TECPR1: variants seen among roughly 807,000 people sequenced by gnomAD.
The protein encoded by TECPR1 is tectonin beta-propeller repeat containing 1, also known as tectonin beta-propeller repeat-containing protein 1.
TECPR1 carries 122 observed loss-of-function variants against 162.4 expected under a neutral mutation model. The ratio of observed to expected loss-of-function variants is 0.75; its 90% confidence interval spans 0.65 to 0.87. TECPR1 has a LOEUF of 0.87. Among genes scored for constraint, TECPR1 ranks in the 40% least tolerant of loss-of-function variants. The pLI is 0.00. For synonymous variants in TECPR1, 642 were observed against 670.6 expected (o/e 0.96, Z 0.66); for missense variants, 1,432 against 1,618.2 (o/e 0.88, Z 1.97).
At chr7:98,235,843 A>G (rs958230876) in intron 10 of TECPR1, among the ~76,000 whole-genome samples, 1 of 99,744 alleles carries the variant, frequency 1.0e-5, no homozygotes. Flanking sequence ...AAAAAAAAAA[A>G]AAAAAAAACA....
At position 98,217,372 on chromosome 7, in the gene TECPR1, T is replaced by C. The variant is rs765857590; in HGVS notation, c.*18A>G. 6.8e-7 allele frequency: 1 copy of C among 1,462,928 alleles called. No individual in the cohort carries two copies. The highest frequency in any genetic ancestry group is 1.8e-5 in the Admixed American group (1 of 55,282). The allele number at this position is 1,462,928 out of a possible 1,614,324, so 90.6% of individuals were successfully genotyped here. A position where few individuals can be genotyped will look rare whatever the true frequency, so the allele number is the denominator to read the frequency against. On this transcript the variant is annotated 3_prime_UTR_variant, in exon 26 of 26. Transcript: ENST00000447648. ...CCAAACTGGGCACCGTCCCTGCATGTAGGTGTGTGGGGGGGCCTCAGCAGC... is the reference window on the plus strand; with the variant it reads ...CCAAACTGGGCACCGTCCCTGCATGCAGGTGTGTGGGGGGGCCTCAGCAGC...
At chr7:98,231,602 G>T (rs1348363863) in intron 13 of TECPR1, 11 of 559,238 alleles carry the variant, frequency 2.0e-5, no homozygotes, top group South Asian at 1.8e-4. Context: ...CCCTCTCCTG[G>T]GGCACCCCCA....
At chr7:98,235,771 A>C (rs893792984) in intron 10 of TECPR1, among the ~76,000 whole-genome samples, 2 of 148,446 alleles carry the variant, frequency 1.3e-5, no homozygotes, top group African/African-American at 5.0e-5. Flanking sequence ...TTGAGGCTGC[A>C]GTGAGCCATG....
Position 98,238,519 on chromosome 7 carries a change from A to G in TECPR1, c.1025T>C (p.Met342Thr). 1 of 1,564,014 alleles carries G rather than the reference A, an allele frequency of 6.4e-7. No individual in the cohort carries two copies. The highest frequency in any genetic ancestry group is 8.7e-7 in the Non-Finnish European group (1 of 1,154,428). Residue 342 changes from methionine (M) to threonine (T), a missense_variant, in exon 9 of 26, where the codon ATG becomes ACG. Transcript: ENST00000447648. ...VGEMTMVNVGMNDQVWGIGCE... is the reference protein window; with the variant it reads ...VGEMTMVNVGTNDQVWGIGCE... The stretch of plus-strand genomic sequence containing the variant: ...GACCCACGTGCACACCTGGTCGTTC[A>G]TTCCCACGTTCACCATCGTCATCTC...
chr7:98,221,100 G>C (rs1798128682), intron 23 of TECPR1, among the ~76,000 whole-genome samples: 1 of 150,148 alleles, frequency 6.7e-6, no homozygotes, highest in Admixed American at 6.6e-5. Flanking sequence ...TCAGGAGTTT[G>C]AGACCAGCCT....
intron 2 of TECPR1, among the ~76,000 whole-genome samples, chr7:98,246,589 T>C (rs1051293874): frequency 3.3e-5 from 5 of 150,966 alleles, no homozygotes; most frequent in Admixed American, 3.3e-4. Context: ...TCTTTTTTTG[T>C]TTATTTTTTT....
chr7:98,235,849 A>AAAAAAAAAAACAAC, intron 10 of TECPR1, among the ~76,000 whole-genome samples: 10 of 110,318 alleles, frequency 9.1e-5, no homozygotes, highest in Non-Finnish European at 1.6e-4. Context: ...AAAAAAAAAA[A>AAAAAAAAAAACAAC]AACACCATCT....
intron 5 of TECPR1, among the ~76,000 whole-genome samples, chr7:98,243,851 T>C (rs1798832224): frequency 6.6e-6 from 1 of 152,166 alleles, no homozygotes; most frequent in Admixed American, 6.5e-5. Context: ...CTGCCTTGGC[T>C]TCTCAAGTGC....
At chr7:98,242,604 G>A (rs1283561749) in intron 6 of TECPR1, among the ~76,000 whole-genome samples, 5 of 61,312 alleles carry the variant, frequency 8.2e-5, no homozygotes, top group African/African-American at 2.0e-4. Context: ...CCATCCATCC[G>A]CACACCCACC....
At chr7:98,243,710 C>T (rs1403508586) in intron 5 of TECPR1, 118 bp from the exon 6 acceptor site, 2 of 1,342,768 alleles carry the variant, frequency 1.5e-6, no homozygotes, top group Non-Finnish European at 2.0e-6. Context: ...CTGCAGCTGC[C>T]TTAATTCACA....
intron 10 of TECPR1, among the ~76,000 whole-genome samples, chr7:98,236,380 C>T (rs1798600670): frequency 6.6e-6 from 1 of 152,158 alleles, no homozygotes; most frequent in Admixed American, 6.5e-5. Flanking sequence ...CTTGTTTCCC[C>T]TGGACAGAAG....
intron 8 of TECPR1, among the ~76,000 whole-genome samples, chr7:98,239,605 AAAGT>A (rs1798694606): frequency 6.6e-6 from 1 of 152,130 alleles, no homozygotes; most frequent in Admixed American, 6.5e-5. Flanking sequence ...TAATCCAAAG[AAAGT>A]GACACATGGC....
In TECPR1 at chr7:98,240,910, C is replaced by T. The variant is rs201037859; in HGVS notation, c.874G>A (p.Gly292Arg). Residue 292 changes from glycine (G) to arginine (R), a missense_variant, in exon 8 of 26, where the codon GGG becomes AGG. Coordinates refer to ENST00000447648, the MANE Select transcript of TECPR1 (RefSeq NM_015395.3). Reference protein sequence around the residue: ...SIVEPPGSENGVMHISVGVSV... With the variant: ...SIVEPPGSENRVMHISVGVSV... ...ACTCCCACCGAGATGTGCATGACCC[C>T]GTTTTCAGATCCAGGAGGCTCCACG... 188 of 1,609,556 alleles carry T rather than the reference C, an allele frequency of 1.2e-4. No homozygotes were observed. The Admixed American group carries it at 2.7e-3, about 23-fold the overall frequency.
intron 8 of TECPR1, among the ~76,000 whole-genome samples, chr7:98,240,276 G>A (rs1383546568): frequency 1.3e-5 from 2 of 152,180 alleles, no homozygotes; most frequent in East Asian, 3.9e-4. Context: ...AAATGTTGCA[G>A]CCTATTAGGT....
chr7:98,233,654 G>GGGGCC lies in TECPR1; in HGVS notation c.1434_1438dup (p.Pro480ArgfsTer133). 1 of 1,594,396 alleles carries GGGGCC rather than the reference G, an allele frequency of 6.3e-7. No homozygotes were observed. The highest frequency in any genetic ancestry group is 8.6e-7 in the Non-Finnish European group (1 of 1,168,726). On this transcript the variant is annotated frameshift_variant, in exon 11 of 26. Transcript: ENST00000447648. LOFTEE classifies it high-confidence loss of function. Reference sequence around the variant, plus strand: ...GGTCCAGGGCAGCTCGGCCGGGGTGGGGGCCGGGCCGGGGTGCGTGTTGGG... The same window carrying GGGGCC: ...GGTCCAGGGCAGCTCGGCCGGGGTGGGGGCCGGGCCGGGCCGGGGTGCGTGTTGGG...
At chr7:98,234,756 G>A (rs1798548613) in intron 10 of TECPR1, among the ~76,000 whole-genome samples, 1 of 140,584 alleles carries the variant, frequency 7.1e-6, no homozygotes, top group Admixed American at 7.7e-5. Context: ...TGTTGCCCAG[G>A]CTGGAGTGTA....
In TECPR1 at chr7:98,216,526, T is replaced by G. The variant is rs1015311209; in HGVS notation, c.*864A>C. ...GAAGAGGACATCCCATCCACTCCAGTGTTATTTCCAATCTGCTGTCTCCTT... is the reference window on the plus strand; with the variant it reads ...GAAGAGGACATCCCATCCACTCCAGGGTTATTTCCAATCTGCTGTCTCCTT... On this transcript the variant is annotated 3_prime_UTR_variant, in exon 26 of 26. Transcript: ENST00000447648. 6.6e-6 allele frequency: 1 copy of G among 151,114 alleles called. No homozygotes were observed. Among genetic ancestry groups the G allele is most frequent in the Non-Finnish European group, 1.5e-5 (1 of 68,000 alleles). 9.4% of individuals were successfully genotyped at this position (151,114 alleles called of 1,614,324 possible). A position where few individuals can be genotyped will look rare whatever the true frequency, so the allele number is the denominator to read the frequency against.
In TECPR1 at chr7:98,231,318, G is replaced by GTC; in HGVS notation, c.2028_2029dup (p.Thr677ArgfsTer30). On this transcript the variant is annotated frameshift_variant, in exon 14 of 26. Transcript: ENST00000447648. LOFTEE classifies it high-confidence loss of function. ...GGTGTACAGGGCAAAGGAGTGCTTG[G>GTC]TCTCGTTCAGCACTGGGACCAGCGC... 1 of 1,611,850 alleles carries GTC rather than the reference G, an allele frequency of 6.2e-7. No homozygotes were observed. Among genetic ancestry groups the GTC allele is most frequent in the Non-Finnish European group, 8.5e-7 (1 of 1,179,106 alleles).
In TECPR1 at chr7:98,236,147, G is replaced by A. The variant is rs115782874; in HGVS notation, c.1181+629C>T. On this transcript the variant is annotated intron_variant, in intron 10 of 25. Coordinates refer to ENST00000447648, the MANE Select transcript of TECPR1 (RefSeq NM_015395.3). Reference sequence around the variant, plus strand: ...GTCGCCTGCCTGTGCTCTCACGGCTGGTGGGCAGAGCTGGGGCTTGTCCAT... The same window carrying A: ...GTCGCCTGCCTGTGCTCTCACGGCTAGTGGGCAGAGCTGGGGCTTGTCCAT... 5.4e-3 allele frequency among the ~76,000 whole-genome samples: 823 copies of A among 152,290 alleles called. 9 individuals carry two copies. The highest frequency in any genetic ancestry group is 0.024 in the Middle Eastern group (7 of 294).
Sources: gnomAD v4.1 joint callset for allele counts (sites outside exome capture counted in the v4.1 genomes callset) on GRCh38, gnomAD v4.1.1 for gene constraint, MANE v1.5 for transcripts, NCBI Gene and HGNC (gene_info 2026-07-23, HGNC 2026-07-21) for gene names.